The following MID1 variants were observed in gnomAD, a reference collection of about 807,000 sequenced individuals.
MID1 encodes the protein midline 1, also known as E3 ubiquitin-protein ligase Midline-1.
In MID1, 7 loss-of-function variants were observed where a neutral mutation model predicts 40.4. The observed-to-expected ratio is 0.17, with a 90% CI of 0.10 to 0.33. The LOEUF is 0.33. MID1 is among the 10% of genes least tolerant of loss of function. The pLI is 1.00. For missense variants in MID1, 367 were observed against 558.5 expected (o/e 0.66, Z 3.46); for synonymous variants, 229 against 221.2 (o/e 1.04, Z -0.31).
chrX:10,584,456 A>G (rs778236898), intron 1 of MID1, among the ~76,000 whole-genome samples: 1 of 112,096 alleles, frequency 8.9e-6, no homozygotes, highest in South Asian at 3.8e-4. Context: ...TGGTTTTGTC[A>G]GTACTTACTC....
intron 1 of MID1, among the ~76,000 whole-genome samples, chrX:10,717,887 G>C (rs995812443): frequency 4.5e-5 from 5 of 111,729 alleles, no homozygotes; most frequent in African/African-American, 1.6e-4. Flanking sequence ...TCAGGATTAA[G>C]AAACTCACTC....
At chrX:10,667,552 G>A (rs2042958306) in intron 1 of MID1, among the ~76,000 whole-genome samples, 2 of 111,849 alleles carry the variant, frequency 1.8e-5, no homozygotes, top group African/African-American at 6.5e-5. Flanking sequence ...CAGCTGTATT[G>A]CACAAAAAGA....
At chrX:10,518,581 G>C (rs1329217289) in intron 3 of MID1, among the ~76,000 whole-genome samples, 1 of 110,764 alleles carries the variant, frequency 9.0e-6, no homozygotes, top group Admixed American at 9.7e-5. Flanking sequence ...AAAAATCTTT[G>C]ATGTGGACTA....
At chrX:10,712,171 A>C (rs2043272476) in intron 1 of MID1, among the ~76,000 whole-genome samples, 1 of 111,212 alleles carries the variant, frequency 9.0e-6, no homozygotes, top group Non-Finnish European at 1.9e-5. Context: ...ACCCCCAGGA[A>C]TGTCAGGTGA....
intron 1 of MID1, among the ~76,000 whole-genome samples, chrX:10,797,127 T>C (rs945626268): frequency 9.0e-6 from 1 of 111,630 alleles, no homozygotes; most frequent in African/African-American, 3.3e-5. Context: ...AGTGACCTAA[T>C]ATAAATTAAT....
At chrX:10,777,526 C>CTCTTT (rs747553471) in intron 1 of MID1, among the ~76,000 whole-genome samples, 22 of 108,427 alleles carry the variant, frequency 2.0e-4, no homozygotes, top group Admixed American at 4.9e-4. Context: ...ATTATATAAG[C>CTCTTT]TCTTTTCTTT....
intron 3 of MID1, among the ~76,000 whole-genome samples, chrX:10,505,158 T>G (rs1035334167): frequency 8.9e-6 from 1 of 112,125 alleles, no homozygotes; most frequent in African/African-American, 3.2e-5. Context: ...AGTACTGAAT[T>G]AATGGAATTT....
chrX:10,810,320 T>C (rs1012121714), intron 1 of MID1, among the ~76,000 whole-genome samples: 1 of 112,610 alleles, frequency 8.9e-6, no homozygotes, highest in Admixed American at 9.4e-5. Context: ...TCAAGTTTTA[T>C]AGCATGTTGT....
chrX:10,482,155 T>G (rs746493238), intron 5 of MID1, among the ~76,000 whole-genome samples: 12 of 111,903 alleles, frequency 1.1e-4, no homozygotes, highest in Non-Finnish European at 1.7e-4. Flanking sequence ...TACGATAACA[T>G]CACATCTGAG....
At chrX:10,579,592 C>T (rs1296634563) in intron 1 of MID1, among the ~76,000 whole-genome samples, 1 of 111,482 alleles carries the variant, frequency 9.0e-6, no homozygotes, top group Admixed American at 9.6e-5. Flanking sequence ...GCCTCCTTTT[C>T]TCAAAGAAAA....
rs1189463440 is a variant in MID1 at position 10,704,739 on chromosome X, TAC to T, written c.-186-84322_-186-84321del. 1.1e-3 allele frequency among the ~76,000 whole-genome samples: 94 copies of T among 82,155 alleles called. 1 individual carries two copies. The highest frequency in any genetic ancestry group is 2.8e-3 in the East Asian group (8 of 2,846). The allele number at this position is 82,155 out of a possible 115,157, so 71.3% of individuals were successfully genotyped here. Reference sequence around the variant, plus strand: ...GTGTATATATATATATATATATATATACACACACACACACACACACACACACA... The same window carrying T: ...GTGTATATATATATATATATATATATACACACACACACACACACACACACA... On this transcript the variant is annotated intron_variant, in intron 1 of 10. Transcript: ENST00000380785.
At chrX:10,592,638 G>A (rs1935331376) in intron 1 of MID1, among the ~76,000 whole-genome samples, 1 of 109,768 alleles carries the variant, frequency 9.1e-6, no homozygotes, top group Non-Finnish European at 1.9e-5. Context: ...ATATATACAT[G>A]TATATATATA....
chrX:10,799,873 G>C (rs777388252), intron 1 of MID1, among the ~76,000 whole-genome samples: 11 of 104,401 alleles, frequency 1.1e-4, no homozygotes, highest in Non-Finnish European at 2.1e-4. Flanking sequence ...CCCAAAACTA[G>C]ACTTATTAGA....
At chrX:10,670,393 C>T (rs1348136643) in intron 1 of MID1, among the ~76,000 whole-genome samples, 2 of 111,150 alleles carry the variant, frequency 1.8e-5, no homozygotes, top group African/African-American at 6.5e-5. Context: ...CATATTATAG[C>T]TTCTACAAAG....
chrX:10,661,643 A>AGTT (rs1458541609), intron 1 of MID1, among the ~76,000 whole-genome samples: 1 of 111,992 alleles, frequency 8.9e-6, no homozygotes, highest in Non-Finnish European at 1.9e-5. Flanking sequence ...TAATAAAAAA[A>AGTT]GTTATATCAA....
At chrX:10,637,395 T>C (rs781285015) in intron 1 of MID1, among the ~76,000 whole-genome samples, 1 of 109,650 alleles carries the variant, frequency 9.1e-6, no homozygotes, top group South Asian at 4.0e-4. Flanking sequence ...ACATGGACCC[T>C]ACAAAAGATC....
At chrX:10,587,835 G>C (rs979360455) in intron 1 of MID1, among the ~76,000 whole-genome samples, 28 of 109,893 alleles carry the variant, frequency 2.5e-4, no homozygotes, top group Non-Finnish European at 4.6e-4. Context: ...AATGCTTTCT[G>C]TATGATTTTT....
rs74431178 is a variant in MID1, at chrX:10,698,658, C to G, written c.-186-78239G>C. Among the ~76,000 whole-genome samples the G allele has an allele frequency of 1.3e-3, 140 of 105,769 alleles. No homozygotes were observed. In the East Asian group the frequency reaches 0.026, roughly 19 times the overall value. The allele number at this position is 105,769 out of a possible 115,157, so 91.8% of individuals were successfully genotyped here. ...TCAGAATATGCCACCACAAAATATGCTACTTTGTCATAAGGATTATTTTGA... is the reference window on the plus strand; with the variant it reads ...TCAGAATATGCCACCACAAAATATGGTACTTTGTCATAAGGATTATTTTGA... On this transcript the variant is annotated intron_variant, in intron 1 of 10. Transcript: ENST00000380785.
chrX:10,618,331 A>G (rs2147542854), intron 1 of MID1, among the ~76,000 whole-genome samples: 1 of 112,170 alleles, frequency 8.9e-6, no homozygotes, highest in South Asian at 3.8e-4. Flanking sequence ...AGGTTTCCCC[A>G]AGAGAAACTC....
Sources: gnomAD v4.1 joint callset for allele counts (sites outside exome capture counted in the v4.1 genomes callset) on GRCh38, gnomAD v4.1.1 for gene constraint, MANE v1.5 for transcripts, NCBI Gene and HGNC (gene_info 2026-07-23, HGNC 2026-07-21) for gene names.